The following SIGLEC1 variants were observed in gnomAD, a reference collection of about 807,000 sequenced individuals.
SIGLEC1 encodes sialoadhesin.
In SIGLEC1, 132 loss-of-function variants were observed where a neutral mutation model predicts 148.0. The observed-to-expected ratio is 0.89, with a 90% CI of 0.77 to 1.03. SIGLEC1 has a LOEUF of 1.03. Among genes scored for constraint, SIGLEC1 ranks in the 50% least tolerant of loss-of-function variants. The pLI, the probability that SIGLEC1 is intolerant of heterozygous loss-of-function variation, is 0.00. For synonymous variants in SIGLEC1, 945 were observed against 969.0 expected, an observed-to-expected ratio of 0.98 and a Z score of 0.46; for missense variants, 2,253 against 2,271.4, an observed-to-expected ratio of 0.99 and a Z score of 0.16.
intron 16 of SIGLEC1, 57 bp from the exon 17 acceptor site, chr20:3,692,259 T>A: frequency 2.0e-6 from 3 of 1,469,294 alleles, no homozygotes; most frequent in Non-Finnish European, 2.7e-6. Context: ...TACTGCTCAT[T>A]GCCTAGCTGC....
At position 3,694,471 on chromosome 20, in the gene SIGLEC1, G is replaced by A. The variant is rs931609410; in HGVS notation, c.3006C>T (p.Leu1002=). 6.2e-7 allele frequency: 1 copy of A among 1,601,428 alleles called. No individual in the cohort carries two copies. The highest frequency in any genetic ancestry group is 1.7e-4 in the Middle Eastern group (1 of 6,060). ...GGTCACTGTCCACACGGCACAGGAG[G>A]AGGCCCAGTCGTCCAGGGCCTGTGT... ...LMDTGPGRLG[L]LLCRVDSDPP... Residue 1002 remains leucine, a synonymous_variant, in exon 13 of 22, where the codon CTC becomes CTT. Transcript: ENST00000344754.
rs2087819069 is a variant in SIGLEC1 at position 3,698,014 on chromosome 20, G to T, written c.1906C>A (p.Leu636Met). The T allele has an allele frequency of 6.2e-7, 1 of 1,609,744 alleles. No individual in the cohort carries two copies. Among genetic ancestry groups the T allele is most frequent in the Non-Finnish European group, 8.5e-7 (1 of 1,178,464 alleles). ...VDSDPPARLQLLHKDRVVATS... is the reference protein window; with the variant it reads ...VDSDPPARLQMLHKDRVVATS... Reference sequence around the variant, plus strand: ...GCCACAACACGGTCCTTGTGGAGCAGCTGCAGCCTGGCGGGGGGGTCGCTG... The same window carrying T: ...GCCACAACACGGTCCTTGTGGAGCATCTGCAGCCTGGCGGGGGGGTCGCTG... Residue 636 changes from leucine to methionine, a missense_variant, in exon 9 of 22, where the codon CTG becomes ATG. Coordinates refer to ENST00000344754, the MANE Select transcript of SIGLEC1 (RefSeq NM_023068.4).
chr20:3,704,882 C>G (rs535450277), intron 4 of SIGLEC1, among the ~76,000 whole-genome samples: 2 of 152,334 alleles, frequency 1.3e-5, no homozygotes, highest in South Asian at 4.1e-4. Flanking sequence ...CCTTGGCCTC[C>G]CAAAGCACTG....
Position 3,692,175 on chromosome 20 carries a change from G to A in SIGLEC1, c.4058C>T (p.Ser1353Phe), listed in dbSNP as rs1216978143. Residue 1353 changes from serine to phenylalanine, a missense_variant, in exon 17 of 22, where the codon TCC becomes TTC. Transcript: ENST00000344754. Reference sequence around the variant, plus strand: ...GGATCTGGCCCTGGAGTCCCGGAAGGAGGACAGGACAGCGTCCTGAGGGGC... The same window carrying A: ...GGATCTGGCCCTGGAGTCCCGGAAGAAGGACAGGACAGCGTCCTGAGGGGC... ...LYAPQDAVLS[S>F]FRDSRARSMA... The A allele has an allele frequency of 1.3e-6, 2 of 1,572,930 alleles. No individual in the cohort carries two copies. Among genetic ancestry groups the A allele is most frequent in the Non-Finnish European group, 1.7e-6 (2 of 1,158,088 alleles).
intron 3 of SIGLEC1, 31 bp downstream of exon 3, chr20:3,706,316 C>T (rs750788723): frequency 1.8e-5 from 28 of 1,582,644 alleles, no homozygotes; most frequent in South Asian, 1.5e-4. Flanking sequence ...GAATCCCTCC[C>T]GGGGGGCAGC....
At chr20:3,697,453 G>T in intron 9 of SIGLEC1, 111 bp from the exon 10 acceptor site, 1 of 1,408,410 alleles carries the variant, frequency 7.1e-7, no homozygotes, top group Non-Finnish European at 9.7e-7. Context: ...TGCCCACAGG[G>T]TTGGGGAGAA....
At chr20:3,696,155 C>CACACACACACAT (rs2088820437) in intron 11 of SIGLEC1, among the ~76,000 whole-genome samples, 1 of 151,738 alleles carries the variant, frequency 6.6e-6, no homozygotes, top group African/African-American at 2.4e-5. Context: ...CACACACACA[C>CACACACACACAT]ACACACACAC....
In SIGLEC1 at chr20:3,710,522, T is replaced by C. The variant is rs2087922259; in HGVS notation, c.-110+1948A>G. Among the ~76,000 whole-genome samples, 1 of 152,178 alleles carries C rather than the reference T, an allele frequency of 6.6e-6. No individual in the cohort carries two copies. The highest frequency in any genetic ancestry group is 2.4e-5 in the African/African-American group (1 of 41,428). The stretch of plus-strand genomic sequence containing the variant: ...ACCCCCAGCCTCCACACCAGGTTCT[T>C]GGCCACTGGAGAATGATATAGCTGG... On this transcript the variant is annotated intron_variant, in intron 1 of 21. Coordinates refer to ENST00000344754, the MANE Select transcript of SIGLEC1 (RefSeq NM_023068.4). The surrounding 1 kb of genome is among the most constrained non-coding windows in gnomAD (Gnocchi z 4.6).
intron 4 of SIGLEC1, 78 bp from the exon 5 acceptor site, chr20:3,704,169 TA>T (rs1266767620): frequency 1.4e-6 from 2 of 1,380,436 alleles, no homozygotes; most frequent in Non-Finnish European, 2.0e-6. Context: ...TGCCCCCCTT[TA>T]AAAGCTCAGT....
intron 4 of SIGLEC1, among the ~76,000 whole-genome samples, chr20:3,704,777 C>A (rs2087880260): frequency 7.2e-6 from 1 of 139,036 alleles, no homozygotes; most frequent in Non-Finnish European, 1.6e-5. Context: ...CCACCACATC[C>A]AGCTAATTTT....
rs751425613 is a variant in SIGLEC1 at position 3,693,480 on chromosome 20, G to A, written c.3475C>T (p.Arg1159Cys). 1.5e-5 allele frequency: 24 copies of A among 1,601,688 alleles called. No homozygotes were observed. Among genetic ancestry groups the A allele is most frequent in the East Asian group, 2.2e-5 (1 of 44,726 alleles). Residue 1159 changes from arginine (R) to cysteine (C), a missense_variant, in exon 14 of 22, where the codon CGC becomes TGC. Arg to Cys is a radical substitution (Grantham distance 180, BLOSUM62 -3). Coordinates refer to ENST00000344754, the MANE Select transcript of SIGLEC1 (RefSeq NM_023068.4). ...TCCAAGGTGATAGGTCTGGAGAGGC[G>A]GGGTGCCCGACCAGGGGGGCCCACA... ...CGVGPPGRAPRLSRPITLDVL... is the reference protein window; with the variant it reads ...CGVGPPGRAPCLSRPITLDVL...
At chr20:3,702,173 C>T (rs1256844489) in intron 6 of SIGLEC1, among the ~76,000 whole-genome samples, 2 of 152,102 alleles carry the variant, frequency 1.3e-5, no homozygotes, top group African/African-American at 2.4e-5. Context: ...AATGAAGAGA[C>T]GCAACGACCC....
intron 15 of SIGLEC1, 26 bp from the exon 16 acceptor site, chr20:3,692,798 C>G: frequency 6.2e-7 from 1 of 1,601,358 alleles, no homozygotes; most frequent in Non-Finnish European, 8.5e-7. Context: ...CAGGATCAGC[C>G]GGGCCCAGCC....
At position 3,697,832 on chromosome 20, in the gene SIGLEC1, G is replaced by T. The variant is rs759520565; in HGVS notation, c.2088C>A (p.Gly696=). 5.2e-5 allele frequency: 84 copies of T among 1,612,828 alleles called. 1 individual carries two copies. The South Asian group carries it at 8.3e-4, about 16-fold the overall frequency. The part of the protein sequence containing the change: ...LYLCEASNAL[G]NASTSATFNG... ...TGAAGGTGGCTGAGGTGGAGGCGTT[G>T]CCCAGGGCATTGCTGGCCTCACAGA... The change falls in exon 9 of 22, where the codon GGC becomes GGA. Residue 696 remains glycine, a synonymous_variant. Transcript: ENST00000344754.
Position 3,694,512 on chromosome 20 carries a change from G to A in SIGLEC1, c.2965C>T (p.Leu989Phe). 2 of 1,566,854 alleles carry A rather than the reference G, an allele frequency of 1.3e-6. No individual in the cohort carries two copies. Among genetic ancestry groups the A allele is most frequent in the East Asian group, 2.3e-5 (1 of 43,316 alleles). Reference sequence around the variant, plus strand: ...GGGCCTGTGTCCATCAGGGTAGTGAGTGTGACGTGGCGTGGGGCATCTACA... The same window carrying A: ...GGGCCTGTGTCCATCAGGGTAGTGAATGTGACGTGGCGTGGGGCATCTACA... ...HVSYAPRHVTLTTLMDTGPGR... is the reference protein window; with the variant it reads ...HVSYAPRHVTFTTLMDTGPGR... The change falls in exon 13 of 22, where the codon CTC (leucine) becomes TTC (phenylalanine). Residue 989 changes from leucine to phenylalanine, a missense_variant. By Grantham distance (22) the Leu-to-Phe change is conservative. Transcript: ENST00000344754.
Position 3,693,070 on chromosome 20 carries a change from C to T in SIGLEC1, c.3570G>A (p.Leu1190=). The change falls in exon 15 of 22, where the codon CTG becomes CTA. Residue 1190 remains leucine, a synonymous_variant. Coordinates refer to ENST00000344754, the MANE Select transcript of SIGLEC1 (RefSeq NM_023068.4). ...LLESHGGQLA[L]VLCTVDSRPP... ...GGCGGCTGTCCACAGTGCACAGTAC[C>T]AGGGCCAGCTGCCCGCCATGGCTCT... The T allele has an allele frequency of 6.2e-7, 1 of 1,602,484 alleles. No homozygotes were observed. Among genetic ancestry groups the T allele is most frequent in the Non-Finnish European group, 8.5e-7 (1 of 1,176,244 alleles).
In SIGLEC1 at chr20:3,706,020, T is replaced by TGGTGGGCA. The variant is rs779475823; in HGVS notation, c.422_429dup (p.Ile144CysfsTer94). 10 of 1,613,266 alleles carry TGGTGGGCA rather than the reference T, an allele frequency of 6.2e-6. No individual in the cohort carries two copies. In the South Asian group the frequency reaches 1.1e-4, roughly 18 times the overall value. On this transcript the variant is annotated frameshift_variant, in exon 4 of 22. Coordinates refer to ENST00000344754, the MANE Select transcript of SIGLEC1 (RefSeq NM_023068.4). LOFTEE classifies it high-confidence loss of function. Reference sequence around the variant, plus strand: ...TCGAGAAGCTCCACCGGGGAGGCAATGGTGGGCACCCTGGGCTCCTCTGAG... The same window carrying TGGTGGGCA: ...TCGAGAAGCTCCACCGGGGAGGCAATGGTGGGCAGGTGGGCACCCTGGGCTCCTCTGAG...
rs761951959 is a variant in SIGLEC1, at chr20:3,692,986, G to C, written c.3654C>G (p.Ala1218=). The C allele has an allele frequency of 1.9e-5, 31 of 1,612,362 alleles. 1 individual carries two copies. Among genetic ancestry groups the C allele is most frequent in the Admixed American group, 5.0e-5 (3 of 59,998 alleles). The part of the protein sequence containing the change: ...AGRLLASSTA[A]SVPNTLRLEL... ...CCAGGCGCAGGGTGTTGGGGACAGA[G>C]GCTGCTGTCGAGGAGGCCAAGAGGC... The change falls in exon 15 of 22, where the codon GCC becomes GCG. Residue 1218 remains alanine, a synonymous_variant. Transcript: ENST00000344754.
In SIGLEC1 at chr20:3,696,847, C is replaced by T. The variant is rs148883170; in HGVS notation, c.2422G>A (p.Gly808Ser). The change falls in exon 11 of 22, where the codon GGC (glycine) becomes AGC (serine). Residue 808 changes from glycine (G) to serine (S), a missense_variant. Gly to Ser is a moderately conservative substitution (Grantham distance 56). Transcript: ENST00000344754. ...ATGAACAGAGCCATGTGGCCCTGGC[C>T]CATGTCTAGGAGGGCTGACAGCTTT... ...RPKLSALLDM[G>S]QGHMALFICT... 2.9e-5 allele frequency: 46 copies of T among 1,581,686 alleles called. No homozygotes were observed. The African/African-American group carries it at 5.9e-4, about 20-fold the overall frequency.
Sources: allele counts gnomAD v4.1 joint callset (sites outside exome capture counted in the v4.1 genomes callset), GRCh38; gene constraint gnomAD v4.1.1; non-coding constraint Gnocchi (gnomAD v3.1); transcripts MANE v1.5; gene names NCBI Gene and HGNC (gene_info 2026-07-23, HGNC 2026-07-21).